The following TRIP4 variants were observed in gnomAD, a reference collection of about 807,000 sequenced individuals.
TRIP4 encodes thyroid hormone receptor interactor 4, also known as activating signal cointegrator 1.
A neutral mutation model predicts 81.8 loss-of-function variants in TRIP4; 54 were observed. The observed-to-expected ratio is 0.66, with a 90% CI of 0.53 to 0.83. The LOEUF (loss-of-function observed/expected upper bound fraction) is 0.83, where lower values mean the gene tolerates loss of function less well. Among genes scored for constraint, TRIP4 ranks in the 40% least tolerant of loss-of-function variants. TRIP4 has a pLI of 0.00. For missense variants in TRIP4, 662 were observed against 683.6 expected, an observed-to-expected ratio of 0.97 and a Z score of 0.35; for synonymous variants, 270 against 242.8, an observed-to-expected ratio of 1.11 and a Z score of -1.04.
chr15:64,423,188 G>T (rs1014206737), intron 9 of TRIP4, among the ~76,000 whole-genome samples: 10 of 152,096 alleles, frequency 6.6e-5, no homozygotes, highest in Admixed American at 3.3e-4. Context: ...TGCAAATGGA[G>T]CCGGGCATGG....
In TRIP4 at chr15:64,446,851, T is replaced by TC. The variant is rs1892644137; in HGVS notation, c.1678+1746dup. Among the ~76,000 whole-genome samples, 4 of 148,780 alleles carry TC rather than the reference T, an allele frequency of 2.7e-5. 1 individual carries two copies. The South Asian group carries it at 9.1e-4, about 34-fold the overall frequency. ...CGGGCGTGGTGGCTCACGCCTGTAA[T>TC]CCCAACACTTTGGGAGGCCGAGGCA... On this transcript the variant is annotated intron_variant, in intron 12 of 12. Transcript: ENST00000261884.
intron 1 of TRIP4, among the ~76,000 whole-genome samples, chr15:64,392,439 C>A (rs916287927): frequency 2.0e-5 from 3 of 152,122 alleles, no homozygotes; most frequent in Non-Finnish European, 1.5e-5. Context: ...TCCTGAAAAA[C>A]CATTGTCTTT....
intron 1 of TRIP4, among the ~76,000 whole-genome samples, chr15:64,390,274 C>G (rs1486308814): frequency 6.6e-6 from 1 of 151,004 alleles, no homozygotes; most frequent in Non-Finnish European, 1.5e-5. Context: ...CCAGCCTGGC[C>G]AACATGGCGA....
intron 9 of TRIP4, among the ~76,000 whole-genome samples, chr15:64,422,938 A>G (rs1265617614): frequency 6.6e-6 from 1 of 152,208 alleles, no homozygotes; most frequent in Non-Finnish European, 1.5e-5. Context: ...TTGGGAAACC[A>G]AGGATATGAA....
At position 64,424,056 on chromosome 15, in the gene TRIP4, C is replaced by G. The variant is rs1012930085; in HGVS notation, c.1384C>G (p.Pro462Ala). Reference sequence around the variant, plus strand: ...GGTGGAGGGCAGATCCTGGTACACCCCCCACAGAGGACGACTTTGGATAGC... The same window carrying G: ...GGTGGAGGGCAGATCCTGGTACACCGCCCACAGAGGACGACTTTGGATAGC... ...KRVEGRSWYT[P>A]HRGRLWIAAT... Residue 462 changes from proline (P) to alanine (A), a missense_variant, in exon 10 of 13, where the codon CCC becomes GCC. Coordinates refer to ENST00000261884, the MANE Select transcript of TRIP4 (RefSeq NM_016213.5). 1.9e-6 allele frequency: 3 copies of G among 1,614,086 alleles called. No individual in the cohort carries two copies. Among genetic ancestry groups the G allele is most frequent in the Non-Finnish European group, 2.5e-6 (3 of 1,180,018 alleles).
intron 11 of TRIP4, among the ~76,000 whole-genome samples, chr15:64,426,733 G>A (rs1430847083): frequency 6.8e-6 from 1 of 146,636 alleles, no homozygotes; most frequent in Non-Finnish European, 1.5e-5. Flanking sequence ...GGGCATGGTG[G>A]CTCACGCCTG....
At chr15:64,414,520 T>TTC (rs1250316589) in intron 8 of TRIP4, among the ~76,000 whole-genome samples, 8 of 134,328 alleles carry the variant, frequency 6.0e-5, no homozygotes, top group African/African-American at 2.2e-4. Context: ...CTCTTTTTTT[T>TTC]TTTTTTTTTT....
intron 9 of TRIP4, among the ~76,000 whole-genome samples, chr15:64,421,915 C>T (rs889762934): frequency 1.3e-5 from 2 of 151,702 alleles, no homozygotes; most frequent in Admixed American, 1.3e-4. Context: ...CATGGTGGTG[C>T]ATGCCTATAA....
chr15:64,432,029 G>A (rs1165507864), intron 11 of TRIP4, among the ~76,000 whole-genome samples: 1 of 150,894 alleles, frequency 6.6e-6, no homozygotes, highest in Non-Finnish European at 1.5e-5. Context: ...TGGGATTGCA[G>A]GTACGCACCA....
intron 11 of TRIP4, among the ~76,000 whole-genome samples, chr15:64,428,697 C>G (rs1892203494): frequency 6.6e-6 from 1 of 152,130 alleles, no homozygotes; most frequent in Non-Finnish European, 1.5e-5. Flanking sequence ...CAACCTCTGC[C>G]TCTCAGGATC....
intron 10 of TRIP4, among the ~76,000 whole-genome samples, chr15:64,424,517 T>C (rs910363482): frequency 3.0e-4 from 45 of 152,242 alleles, no homozygotes; most frequent in African/African-American, 9.6e-4. Context: ...AATAGACACC[T>C]ACTATTGGAT....
At chr15:64,413,807 C>T (rs370859099) in intron 7 of TRIP4, among the ~76,000 whole-genome samples, 2 of 151,406 alleles carry the variant, frequency 1.3e-5, no homozygotes, top group African/African-American at 2.4e-5. Flanking sequence ...AGGATGGTCT[C>T]GATCCCTTGA....
At chr15:64,417,057 G>A (rs1283555198) in intron 8 of TRIP4, among the ~76,000 whole-genome samples, 2 of 152,064 alleles carry the variant, frequency 1.3e-5, no homozygotes, top group Non-Finnish European at 2.9e-5. Flanking sequence ...ATCCAGGCTA[G>A]AGTGCAGTGG....
At chr15:64,409,904 C>G in intron 7 of TRIP4, 76 bp downstream of exon 7, 1 of 1,313,612 alleles carries the variant, frequency 7.6e-7, no homozygotes, top group Non-Finnish European at 1.1e-6. Flanking sequence ...TCTAGTGGAT[C>G]TTTTATTTTT....
intron 9 of TRIP4, among the ~76,000 whole-genome samples, chr15:64,420,550 G>A (rs1426916032): frequency 7.0e-6 from 1 of 143,750 alleles, no homozygotes; most frequent in African/African-American, 2.5e-5. Flanking sequence ...TTGAAATGAA[G>A]TCTTGCTCTG....
rs765331843 is a variant in TRIP4 at position 64,393,949 on chromosome 15, C to T, written c.105C>T (p.Tyr35=). ...GLDVSEEIIQ[Y]VLSIESAEEI... ...ACTTATATCTTTGCCTCCTGAGGTACGTTTTGTCAATTGAGAGTGCTGAAG... is the reference window on the plus strand; with the variant it reads ...ACTTATATCTTTGCCTCCTGAGGTATGTTTTGTCAATTGAGAGTGCTGAAG... The change falls in exon 2 of 13, where the codon TAC becomes TAT. Residue 35 remains tyrosine, a synonymous_variant. Transcript: ENST00000261884. 21 of 1,579,564 alleles carry T rather than the reference C, an allele frequency of 1.3e-5. No homozygotes were observed. Among genetic ancestry groups the T allele is most frequent in the South Asian group, 5.9e-5 (5 of 84,860 alleles).
At chr15:64,400,950 GT>G in intron 5 of TRIP4, 129 bp downstream of exon 5, 2 of 634,452 alleles carry the variant, frequency 3.2e-6, no homozygotes, top group Non-Finnish European at 5.4e-6. Context: ...TTTTTGGGGG[GT>G]TTTTTTTGTT....
At chr15:64,441,666 G>A (rs1042639664) in intron 11 of TRIP4, among the ~76,000 whole-genome samples, 1 of 152,070 alleles carries the variant, frequency 6.6e-6, no homozygotes, top group Non-Finnish European at 1.5e-5. Flanking sequence ...CCAGCCACTC[G>A]GGAGGCTGAG....
At chr15:64,400,933 C>G (rs547390887) in intron 5 of TRIP4, 112 bp downstream of exon 5, 1 of 844,326 alleles carries the variant, frequency 1.2e-6, no homozygotes, top group East Asian at 2.8e-5. Flanking sequence ...TTCACTCATT[C>G]TCAGTTTTTT....
Sources: allele counts gnomAD v4.1 joint callset (sites outside exome capture counted in the v4.1 genomes callset), GRCh38; gene constraint gnomAD v4.1.1; transcripts MANE v1.5; gene names NCBI Gene and HGNC (gene_info 2026-07-23, HGNC 2026-07-21).